TPO: variants seen among roughly 807,000 people sequenced by gnomAD.
The protein encoded by TPO is thyroid microsomal antigen.
Under a neutral mutation model 96.9 loss-of-function variants are expected in TPO, and 78 were observed. That is an observed-to-expected ratio of 0.81 (90% confidence interval 0.67 to 0.97). TPO has a LOEUF of 0.97. TPO is among the 50% of genes least tolerant of loss of function. The pLI is 0.00. For synonymous variants in TPO, 547 were observed against 538.0 expected (o/e 1.02, Z -0.23); for missense variants, 1,252 against 1,274.8 (o/e 0.98, Z 0.27).
intron 5 of TPO, 120 bp downstream of exon 5, chr2:1,436,504 T>G: frequency 6.6e-7 from 1 of 1,504,576 alleles, no homozygotes; most frequent in Non-Finnish European, 9.0e-7. Flanking sequence ...GAGCCCCTGG[T>G]TCCTGTCCTT....
chr2:1,533,735 T>G (rs1468568108), intron 15 of TPO, among the ~76,000 whole-genome samples: 2 of 24,336 alleles, frequency 8.2e-5, no homozygotes, highest in African/African-American at 3.3e-4. Context: ...TCCCTCTCAC[T>G]GCGTGCAACT....
chr2:1,494,641 G>A (rs1672148173), intron 11 of TPO, among the ~76,000 whole-genome samples: 1 of 152,254 alleles, frequency 6.6e-6, no homozygotes, highest in Non-Finnish European at 1.5e-5. Flanking sequence ...CTGACTCTGA[G>A]TGCATGCCCC....
intron 5 of TPO, among the ~76,000 whole-genome samples, chr2:1,437,237 G>A (rs1341517887): frequency 6.6e-6 from 1 of 152,214 alleles, no homozygotes; most frequent in Non-Finnish European, 1.5e-5. Flanking sequence ...AGGGGCAGAG[G>A]GAGAGCAGCC....
chr2:1,422,517 T>C (rs1663863803), intron 2 of TPO, among the ~76,000 whole-genome samples: 1 of 152,206 alleles, frequency 6.6e-6, no homozygotes, highest in Admixed American at 6.5e-5. Context: ...AGGACTGACG[T>C]GTGAACATGG....
chr2:1,466,344 T>C (rs1313086551), intron 7 of TPO, among the ~76,000 whole-genome samples: 1 of 152,166 alleles, frequency 6.6e-6, no homozygotes, highest in Admixed American at 6.5e-5. Flanking sequence ...TATTGGTCCG[T>C]AGTTTTCTTT....
chr2:1,501,483 G>T (rs1672868925), intron 13 of TPO, among the ~76,000 whole-genome samples: 1 of 152,242 alleles, frequency 6.6e-6, no homozygotes, highest in African/African-American at 2.4e-5. Flanking sequence ...TCGGCCTTCT[G>T]CTTAGAAGAA....
chr2:1,468,439 G>A (rs1669100329), intron 7 of TPO, among the ~76,000 whole-genome samples: 1 of 152,170 alleles, frequency 6.6e-6, no homozygotes, highest in Non-Finnish European at 1.5e-5. Context: ...GTCTGGGAAA[G>A]ATTGTTATCT....
At chr2:1,535,318 CCTCAAATCCCCCCCACTGTATGCAACCTA>C (rs1252530957) in intron 15 of TPO, among the ~76,000 whole-genome samples, 6 of 107,970 alleles carry the variant, frequency 5.6e-5, no homozygotes, top group African/African-American at 1.3e-4. Context: ...TGTGCAACCT[CCTCAAATCCCCCCCACTGTATGCAACCTA>C]CTCAAATCCC....
rs748374752 is a variant in TPO at position 1,496,019 on chromosome 2, G to A, written c.2037G>A (p.Thr679=). ...GGTGGGAGAACAGCCACGTCTTCAC[G>A]GATGCACAGAGGCGTGAGCTGGAGA... ...WFWWENSHVF[T]DAQRRELEKH... Residue 679 remains threonine (T), a synonymous_variant, in exon 12 of 17, where the codon ACG becomes ACA. Transcript: ENST00000329066. 32 of 1,613,358 alleles carry A rather than the reference G, an allele frequency of 2.0e-5. No homozygotes were observed. Among genetic ancestry groups the A allele is most frequent in the Admixed American group, 1.7e-4 (10 of 60,004 alleles).
intron 15 of TPO, among the ~76,000 whole-genome samples, chr2:1,520,024 G>T (rs1447535652): frequency 6.6e-6 from 1 of 152,178 alleles, no homozygotes; most frequent in Non-Finnish European, 1.5e-5. Context: ...TTAGCTGAAA[G>T]ATATGAAAAA....
chr2:1,505,406 T>C (rs183950068), intron 14 of TPO, among the ~76,000 whole-genome samples: 1,281 of 71,068 alleles, frequency 0.018, 26 homozygotes, highest in African/African-American at 0.069. Context: ...TCAGGCACAC[T>C]GCCCCATCCT....
At chr2:1,475,817 G>A (rs1049246721) in intron 7 of TPO, among the ~76,000 whole-genome samples, 1 of 152,228 alleles carries the variant, frequency 6.6e-6, no homozygotes, top group Non-Finnish European at 1.5e-5. Context: ...AGCCAAGGCT[G>A]GGGCCTCGTT....
At chr2:1,505,417 G>C (rs1207249932) in intron 14 of TPO, among the ~76,000 whole-genome samples, 1 of 92,940 alleles carries the variant, frequency 1.1e-5, no homozygotes, top group African/African-American at 4.6e-5. Flanking sequence ...GCCCCATCCT[G>C]TGTCACGCAC....
chr2:1,476,014 G>A (rs1253799028), intron 7 of TPO, among the ~76,000 whole-genome samples: 3 of 152,190 alleles, frequency 2.0e-5, no homozygotes, highest in African/African-American at 4.8e-5. Flanking sequence ...TGCACCGCAC[G>A]GCACCGAGCG....
rs148012707 is a variant in TPO, at chr2:1,501,078, C to T, written c.2387-2870C>T. ...AAAGCTGTGAGTCAGTGGCTTTTTC[C>T]ATGAGTTATTGTCAGGAGGTTATGC... On this transcript the variant is annotated intron_variant, in intron 13 of 16. Coordinates refer to ENST00000329066, the MANE Select transcript of TPO (RefSeq NM_001206744.2). 4.1e-3 allele frequency among the ~76,000 whole-genome samples: 621 copies of T among 152,140 alleles called. 1 individual carries two copies. The highest frequency in any genetic ancestry group is 0.012 in the African/African-American group (516 of 41,494).
chr2:1,505,283 A>C (rs1472770267), intron 14 of TPO, among the ~76,000 whole-genome samples: 3 of 132,532 alleles, frequency 2.3e-5, no homozygotes, highest in Non-Finnish European at 3.2e-5. Context: ...TGTCAGGCGC[A>C]CCCCACTATC....
chr2:1,537,296 T>TCAACATATCCCCCCA (rs1679974425), intron 15 of TPO, among the ~76,000 whole-genome samples: 2 of 63,978 alleles, frequency 3.1e-5, no homozygotes, highest in Non-Finnish European at 5.6e-5. Flanking sequence ...CCCCCCACCC[T>TCAACATATCCCCCCA]CTGCAACGTC....
At chr2:1,527,322 G>A (rs1676816505) in intron 15 of TPO, among the ~76,000 whole-genome samples, 1 of 96,600 alleles carries the variant, frequency 1.0e-5, no homozygotes, top group Non-Finnish European at 1.8e-5. Context: ...TCCCCTCACT[G>A]TGTAACCTCC....
intron 13 of TPO, among the ~76,000 whole-genome samples, chr2:1,497,149 T>C (rs1459719984): frequency 6.6e-6 from 1 of 152,172 alleles, no homozygotes; most frequent in Non-Finnish European, 1.5e-5. Flanking sequence ...CTCCACCTCC[T>C]ACAGGTGGCT....
Sources: allele counts gnomAD v4.1 joint callset (sites outside exome capture counted in the v4.1 genomes callset), GRCh38; gene constraint gnomAD v4.1.1; transcripts MANE v1.5; gene names NCBI Gene and HGNC (gene_info 2026-07-23, HGNC 2026-07-21).